MBD6: variants seen among roughly 807,000 people sequenced by gnomAD.
MBD6 encodes methyl-CpG-binding domain protein 6.
Under a neutral mutation model 66.8 loss-of-function variants are expected in MBD6, and 22 were observed. That is an observed-to-expected ratio of 0.33 (90% confidence interval 0.24 to 0.47). The LOEUF is 0.47. Ranked by LOEUF, MBD6 falls within the 20% of genes least tolerant of loss-of-function variation. The pLI is 1.00. For missense variants in MBD6, 1,322 were observed against 1,286.9 expected, an observed-to-expected ratio of 1.03 and a Z score of -0.42; for synonymous variants, 540 against 534.6, an observed-to-expected ratio of 1.01 and a Z score of -0.14.
In MBD6 at chr12:57,525,513, G is replaced by T. The variant is rs771785025; in HGVS notation, c.545G>T (p.Gly182Val). The change falls in exon 6 of 13, where the codon GGG becomes GTG. Residue 182 changes from glycine to valine, a missense_variant. Physicochemically the swap from Gly to Val is moderately radical, Grantham distance 109 (BLOSUM62 -3). Coordinates refer to ENST00000355673, the MANE Select transcript of MBD6 (RefSeq NM_052897.4). ...GCCTTTCCCACTCTAGCAGGCCCTG[G>T]GGGGCTTTTCCCCCCAAGGCTTGCT... ...SQAFPTLAGPGGLFPPRLADP... is the reference protein window; with the variant it reads ...SQAFPTLAGPVGLFPPRLADP... The T allele has an allele frequency of 1.9e-6, 3 of 1,568,940 alleles. No individual in the cohort carries two copies. Among genetic ancestry groups the T allele is most frequent in the Admixed American group, 1.9e-5 (1 of 53,104 alleles).
rs758831495 is a variant in MBD6, at chr12:57,525,358, G to A, written c.390G>A (p.Ala130=). 2.5e-5 allele frequency: 39 copies of A among 1,562,676 alleles called. No homozygotes were observed. Among genetic ancestry groups the A allele is most frequent in the Non-Finnish European group, 3.4e-5 (39 of 1,160,856 alleles). The change falls in exon 6 of 13, where the codon GCG becomes GCA. Residue 130 remains alanine (A), a synonymous_variant. Coordinates refer to ENST00000355673, the MANE Select transcript of MBD6 (RefSeq NM_052897.4). ...TTTCATTTATTGCAGGAGAGGGAGC[G>A]AGCCCCCAAATGTTCCACACTGTGT... ...TCSHSSPGEG[A]SPQMFHTVSP...
rs747771686 is a variant in MBD6, at chr12:57,526,156, C to A, written c.1188C>A (p.Pro396=). 1 of 1,614,070 alleles carries A rather than the reference C, an allele frequency of 6.2e-7. No individual in the cohort carries two copies. Among genetic ancestry groups the A allele is most frequent in the African/African-American group, 1.3e-5 (1 of 74,920 alleles). Residue 396 remains proline (P), a synonymous_variant, in exon 6 of 13, where the codon CCC becomes CCA. Transcript: ENST00000355673. The part of the protein sequence containing the change: ...RSRPRAPAPV[P]QPFSLPEPSQ... ...GTCCTCGGGCCCCTGCTCCTGTCCC[C>A]CAACCCTTTTCTCTCCCGGAGCCAT... is the stretch of plus-strand genomic sequence containing the variant.
At chr12:57,530,880 A>AT (rs1408192160), downstream of MBD6, 3 of 1,002,062 alleles carry the variant, frequency 3.0e-6, no homozygotes, top group African/African-American at 4.8e-5. Flanking sequence ...TGGAAGCACA[A>AT]TTTGTGGGCC....
rs200724469 is a variant in MBD6 at position 57,528,647 on chromosome 12, A to G, written c.2821-19A>G. On this transcript the variant is annotated intron_variant, in intron 10 of 12. Transcript: ENST00000355673. Reference sequence around the variant, plus strand: ...GCCTTTTTCGAAATTTCCCACACACATAGTCCATCTTTTCTCAGGTGCCCC... The same window carrying G: ...GCCTTTTTCGAAATTTCCCACACACGTAGTCCATCTTTTCTCAGGTGCCCC... 3.5e-5 allele frequency: 56 copies of G among 1,613,868 alleles called. No individual in the cohort carries two copies. The highest frequency in any genetic ancestry group is 9.9e-5 in the South Asian group (9 of 91,084).
Position 57,526,619 on chromosome 12 carries a change from C to T in MBD6, c.1474C>T (p.Leu492Phe). Reference sequence around the variant, plus strand: ...AGCCCCAGTAGTCCCCAGCCCTGTGCTTCAAAGCCCATCCGAAGGACTGGG... The same window carrying T: ...AGCCCCAGTAGTCCCCAGCCCTGTGTTTCAAAGCCCATCCGAAGGACTGGG... ...SKAPVVPSPV[L>F]QSPSEGLGMG... The change falls in exon 7 of 13, where the codon CTT becomes TTT. Residue 492 changes from leucine to phenylalanine, a missense_variant. By Grantham distance (22) the Leu-to-Phe change is conservative. Transcript: ENST00000355673. 1 of 1,513,646 alleles carries T rather than the reference C, an allele frequency of 6.6e-7. No individual in the cohort carries two copies. The highest frequency in any genetic ancestry group is 1.4e-5 in the African/African-American group (1 of 71,712). The allele number at this position is 1,513,646 out of a possible 1,614,324, so 93.8% of individuals were successfully genotyped here.
chr12:57,526,102 G>T lies in MBD6; in HGVS notation c.1134G>T (p.Gly378=). ...RPPTVFRLLE[G]RGPQTPRRSR... ...CTACTGTATTTCGATTGCTAGAAGG[G>T]AGAGGCCCTCAAACCCCTAGACGGA... The change falls in exon 6 of 13, where the codon GGG becomes GGT. Residue 378 remains glycine (G), a synonymous_variant. Transcript: ENST00000355673. The T allele has an allele frequency of 6.2e-7, 1 of 1,613,820 alleles. No individual in the cohort carries two copies. Among genetic ancestry groups the T allele is most frequent in the Non-Finnish European group, 8.5e-7 (1 of 1,179,944 alleles).
At position 57,527,183 on chromosome 12, in the gene MBD6, C is replaced by T; in HGVS notation, c.2038C>T (p.Leu680=). The change falls in exon 7 of 13, where the codon CTG becomes TTG. Residue 680 remains leucine, a synonymous_variant. Coordinates refer to ENST00000355673, the MANE Select transcript of MBD6 (RefSeq NM_052897.4). ...PPTLIALNSA[L]LAATLDPPSG... Reference sequence around the variant, plus strand: ...TACCCTCATAGCTTTAAATTCTGCGCTGCTGGCTGCCACCCTGGATCCCCC... The same window carrying T: ...TACCCTCATAGCTTTAAATTCTGCGTTGCTGGCTGCCACCCTGGATCCCCC... 1.3e-6 allele frequency: 2 copies of T among 1,494,876 alleles called. No homozygotes were observed. The highest frequency in any genetic ancestry group is 1.8e-6 in the Non-Finnish European group (2 of 1,120,048). 92.6% of individuals were successfully genotyped at this position (1,494,876 alleles called of 1,614,324 possible). A position where few individuals can be genotyped will look rare whatever the true frequency, so the allele number is the denominator to read the frequency against.
downstream of MBD6, chr12:57,530,869 A>G (rs552552615): frequency 1.5e-5 from 17 of 1,101,920 alleles, no homozygotes; most frequent in Admixed American, 3.2e-4. Context: ...AAGACAAGAA[A>G]TGGAAGCACA....
Position 57,526,776 on chromosome 12 carries a change from C to T in MBD6, c.1631C>T (p.Pro544Leu). Residue 544 changes from proline (P) to leucine (L), a missense_variant, in exon 7 of 13, where the codon CCT becomes CTT. Physicochemically the swap from Pro to Leu is moderately conservative, Grantham distance 98. Transcript: ENST00000355673. ...GGGATGCTTGGGGCCTTGCCTCTCC[C>T]TCTGAGTCTGGGGCAGCCTCCACCT... ...FPGMLGALPL[P>L]LSLGQPPPSP... 1 of 1,600,010 alleles carries T rather than the reference C, an allele frequency of 6.2e-7. No individual in the cohort carries two copies. Among genetic ancestry groups the T allele is most frequent in the Non-Finnish European group, 8.5e-7 (1 of 1,170,964 alleles).
intron 6 of MBD6, 75 bp from the exon 7 acceptor site, chr12:57,526,488 TGGG>T: frequency 6.6e-7 from 1 of 1,511,668 alleles, no homozygotes; most frequent in Non-Finnish European, 8.9e-7. Flanking sequence ...TTTTCTGGGT[TGGG>T]GGCAGGGAGG....
At chr12:57,525,158 G>C (rs759480538) in intron 5 of MBD6, 43 bp downstream of exon 5, 1 of 1,583,336 alleles carries the variant, frequency 6.3e-7, no homozygotes, top group Non-Finnish European at 8.6e-7. Context: ...GAAAACCTAA[G>C]GGCTTGGAAG....
In MBD6 at chr12:57,524,716, G is replaced by A. The variant is rs763321312; in HGVS notation, c.114-4G>A. On this transcript the variant is annotated splice_region_variant and splice_polypyrimidine_tract_variant and intron_variant, in intron 3 of 12. Transcript: ENST00000355673. ...CCATGTCCTCTGACCCTGTCCTCTC[G>A]CAGTCCAAGTGGCACAGAGCTGTCT... 3.1e-6 allele frequency: 5 copies of A among 1,613,964 alleles called. No individual in the cohort carries two copies. In the East Asian group the frequency reaches 8.9e-5, roughly 29 times the overall value.
At chr12:57,522,021 AC>A (rs1238927857), upstream of MBD6, 1 of 152,200 alleles carries the variant, frequency 6.6e-6, no homozygotes, top group East Asian at 1.9e-4. Context: ...AAAACGCACC[AC>A]CCAGAATGCA....
At position 57,526,945 on chromosome 12, in the gene MBD6, T is replaced by C. The variant is rs150340019; in HGVS notation, c.1800T>C (p.Ala600=). ...GEPEGPSLLV[A]SLLPPPPSDL... ...CTGAAGGGCCTTCGCTTTTGGTGGC[T>C]TCCTTGCTTCCTCCACCACCCTCAG... The change falls in exon 7 of 13, where the codon GCT becomes GCC. Residue 600 remains alanine (A), a synonymous_variant. Transcript: ENST00000355673. The C allele has an allele frequency of 2.9e-5, 46 of 1,613,518 alleles. No homozygotes were observed. In the African/African-American group the frequency reaches 5.2e-4, roughly 18 times the overall value.
chr12:57,526,159 A>T lies in MBD6; in HGVS notation c.1191A>T (p.Gln397His). 6.2e-7 allele frequency: 1 copy of T among 1,613,060 alleles called. No individual in the cohort carries two copies. Among genetic ancestry groups the T allele is most frequent in the Non-Finnish European group, 8.5e-7 (1 of 1,179,662 alleles). The part of the protein sequence containing the change: ...SRPRAPAPVP[Q>H]PFSLPEPSQP... Reference sequence around the variant, plus strand: ...CTCGGGCCCCTGCTCCTGTCCCCCAACCCTTTTCTCTCCCGGAGCCATCCC... The same window carrying T: ...CTCGGGCCCCTGCTCCTGTCCCCCATCCCTTTTCTCTCCCGGAGCCATCCC... The change falls in exon 6 of 13, where the codon CAA becomes CAT. Residue 397 changes from glutamine to histidine, a missense_variant. By Grantham distance (24) the Gln-to-His change is conservative (BLOSUM62 0). Coordinates refer to ENST00000355673, the MANE Select transcript of MBD6 (RefSeq NM_052897.4).
intron 7 of MBD6, 56 bp downstream of exon 7, chr12:57,527,283 G>A: frequency 1.6e-6 from 2 of 1,224,828 alleles, no homozygotes; most frequent in Non-Finnish European, 1.1e-6. Context: ...AGAGATGGGA[G>A]CTGGGAATCA....
At chr12:57,527,426 G>T (rs957678035) in intron 7 of MBD6, 81 bp from the exon 8 acceptor site, 7 of 1,521,858 alleles carry the variant, frequency 4.6e-6, no homozygotes, top group African/African-American at 1.4e-5. Flanking sequence ...TGAGGCTTCA[G>T]TCAGATAGTG....
At chr12:57,529,033 G>A in intron 12 of MBD6, 24 bp downstream of exon 12, 1 of 1,614,024 alleles carries the variant, frequency 6.2e-7, no homozygotes. Flanking sequence ...TGGGTGGATG[G>A]GTGGATGGGT....
At chr12:57,524,585 C>T (rs985452985) in intron 3 of MBD6, 135 bp from the exon 4 acceptor site, 1 of 1,071,342 alleles carries the variant, frequency 9.3e-7, no homozygotes, top group African/African-American at 1.6e-5. Context: ...ATCCATTCTC[C>T]CTTTTTCTGT....
Sources: gnomAD v4.1 joint callset for allele counts on GRCh38, gnomAD v4.1.1 for gene constraint, MANE v1.5 for transcripts, NCBI Gene and HGNC (gene_info 2026-07-23, HGNC 2026-07-21) for gene names.